PDLIM5: variants seen among roughly 807,000 people sequenced by gnomAD.
PDLIM5 encodes PDZ and LIM domain 5, also known as PDZ and LIM domain protein 5.
Under a neutral mutation model 64.2 loss-of-function variants are expected in PDLIM5, and 34 were observed. The observed-to-expected ratio is 0.53, with a 90% CI of 0.40 to 0.71. PDLIM5 has a LOEUF of 0.71. PDLIM5 is among the 30% of genes least tolerant of loss of function. The pLI, the probability that PDLIM5 is intolerant of heterozygous loss-of-function variation, is 0.00. For missense variants in PDLIM5, 683 were observed against 733.6 expected, an observed-to-expected ratio of 0.93 and a Z score of 0.80; for synonymous variants, 253 against 269.1, an observed-to-expected ratio of 0.94 and a Z score of 0.59.
intron 1 of PDLIM5, among the ~76,000 whole-genome samples, chr4:94,454,988 G>T (rs73833911): frequency 0.021 from 3,200 of 152,268 alleles, 103 homozygotes; most frequent in African/African-American, 0.068. Context: ...CACAAAATTG[G>T]ATTGAAGCAA....
intron 5 of PDLIM5, chr4:94,585,077 A>G (rs1736054467): frequency 2.5e-6 from 2 of 786,234 alleles, no homozygotes; most frequent in African/African-American, 1.8e-5. Context: ...TTTACTTATA[A>G]TTTAAAAGGT....
chr4:94,614,946 A>C (rs749608662), intron 7 of PDLIM5, among the ~76,000 whole-genome samples: 1 of 152,192 alleles, frequency 6.6e-6, no homozygotes, highest in African/African-American at 2.4e-5. Flanking sequence ...AGTGCAGATG[A>C]AGGATGCTTA....
intron 3 of PDLIM5, among the ~76,000 whole-genome samples, chr4:94,554,249 C>T (rs1041292675): frequency 6.6e-6 from 1 of 152,114 alleles, no homozygotes; most frequent in Non-Finnish European, 1.5e-5. Flanking sequence ...CTGTTGTTTT[C>T]CTTATTGTCT....
At chr4:94,517,761 T>G (rs954441338) in intron 2 of PDLIM5, among the ~76,000 whole-genome samples, 1 of 152,246 alleles carries the variant, frequency 6.6e-6, no homozygotes, top group East Asian at 1.9e-4. Flanking sequence ...GTTGAAAATA[T>G]GCAGAAGATT....
At chr4:94,530,048 C>CTAGT (rs1730723179) in intron 3 of PDLIM5, among the ~76,000 whole-genome samples, 1 of 152,142 alleles carries the variant, frequency 6.6e-6, no homozygotes, top group Non-Finnish European at 1.5e-5. Context: ...AGGTGTTTAA[C>CTAGT]TGTTCCATTT....
intron 2 of PDLIM5, among the ~76,000 whole-genome samples, chr4:94,499,550 T>C (rs2110079521): frequency 6.6e-6 from 1 of 152,296 alleles, no homozygotes; most frequent in East Asian, 1.9e-4. Flanking sequence ...GCATTTACAT[T>C]GTGTTAAGCA....
intron 12 of PDLIM5, among the ~76,000 whole-genome samples, 179 bp from the exon 13 acceptor site, chr4:94,663,799 A>G (rs1742923197): frequency 6.6e-6 from 1 of 152,194 alleles, no homozygotes; most frequent in Non-Finnish European, 1.5e-5. Context: ...TGCTTTTGAA[A>G]GATTATATCT....
chr4:94,605,885 G>A (rs993070062), intron 7 of PDLIM5, among the ~76,000 whole-genome samples: 1 of 149,960 alleles, frequency 6.7e-6, no homozygotes, highest in Non-Finnish European at 1.5e-5. Flanking sequence ...AATCTGTCCT[G>A]TGGTAATATG....
At position 94,632,687 on chromosome 4, in the gene PDLIM5, TG is replaced by T. The variant is rs569163300; in HGVS notation, c.1109-7587del. On this transcript the variant is annotated intron_variant, in intron 8 of 12. Coordinates refer to ENST00000317968, the MANE Select transcript of PDLIM5 (RefSeq NM_006457.5). ...GACCTTAAAAATGGGGAGATTATCC[TG>T]GTTTGACCCAATGTAATCACAAGGG... Among the ~76,000 whole-genome samples, 793 of 152,300 alleles carry T rather than the reference TG, an allele frequency of 5.2e-3. 7 individuals are homozygous for T. Among genetic ancestry groups the T allele is most frequent in the African/African-American group, 0.018 (757 of 41,568 alleles).
intron 2 of PDLIM5, among the ~76,000 whole-genome samples, chr4:94,497,361 G>A (rs538876173): frequency 3.9e-4 from 60 of 152,216 alleles, no homozygotes; most frequent in African/African-American, 1.3e-3. Context: ...CATCCTAATA[G>A]TAATGACTAC....
intron 4 of PDLIM5, chr4:94,573,784 G>A: frequency 5.3e-6 from 1 of 189,344 alleles, no homozygotes; most frequent in South Asian, 1.1e-4. Flanking sequence ...ACATTTCAGA[G>A]TATTCTTAGG....
chr4:94,601,812 C>T (rs1338884133), intron 7 of PDLIM5, among the ~76,000 whole-genome samples: 4 of 152,156 alleles, frequency 2.6e-5, no homozygotes, highest in African/African-American at 9.7e-5. Flanking sequence ...AAATGGATAG[C>T]TTATGATTGA....
intron 12 of PDLIM5, 111 bp from the exon 13 acceptor site, chr4:94,663,866 TG>T: frequency 9.8e-7 from 1 of 1,018,086 alleles, no homozygotes; most frequent in Non-Finnish European, 1.4e-6. Flanking sequence ...TAAAGTGTTT[TG>T]TCATATTATC....
chr4:94,652,775 A>T (rs1741938340), intron 9 of PDLIM5, among the ~76,000 whole-genome samples: 1 of 152,158 alleles, frequency 6.6e-6, no homozygotes, highest in Non-Finnish European at 1.5e-5. Context: ...AGAGAATGAT[A>T]TGTACTAGCT....
Position 94,612,207 on chromosome 4 carries a change from G to A in PDLIM5, c.921-5797G>A, listed in dbSNP as rs147775883. 5.0e-3 allele frequency among the ~76,000 whole-genome samples: 767 copies of A among 152,242 alleles called. 6 individuals carry two copies. Among genetic ancestry groups the A allele is most frequent in the African/African-American group, 0.017 (725 of 41,532 alleles). On this transcript the variant is annotated intron_variant, in intron 7 of 12. Coordinates refer to ENST00000317968, the MANE Select transcript of PDLIM5 (RefSeq NM_006457.5). ...CACTCCAGCCTGGGCGACAGGGCAA[G>A]ACTCTGTCTCAAAAAACAAAAACAA...
chr4:94,658,126 TCTA>T (rs1742364144), intron 11 of PDLIM5, among the ~76,000 whole-genome samples: 1 of 152,230 alleles, frequency 6.6e-6, no homozygotes, highest in African/African-American at 2.4e-5. Flanking sequence ...GGATATAAAT[TCTA>T]CTAAATCATG....
intron 8 of PDLIM5, among the ~76,000 whole-genome samples, chr4:94,624,317 T>TA (rs542749801): frequency 1.3e-3 from 189 of 150,618 alleles, no homozygotes; most frequent in African/African-American, 4.3e-3. Flanking sequence ...GACCCCCATC[T>TA]AAAAAAAATG....
rs372850854 is a variant in PDLIM5, at chr4:94,482,279, T to C, written c.96+26895T>C. Among the ~76,000 whole-genome samples the C allele has an allele frequency of 1.1e-4, 16 of 151,996 alleles. No homozygotes were observed. The East Asian group carries it at 2.7e-3, about 26-fold the overall frequency. The stretch of plus-strand genomic sequence containing the variant: ...TGAACTCCTGGGGCTCAAGTGATCC[T>C]TCTGCCTCAGTGCCCAAAATGTTGG... On this transcript the variant is annotated intron_variant, in intron 2 of 12. Transcript: ENST00000317968.
chr4:94,515,895 T>G (rs2110115622), intron 2 of PDLIM5, among the ~76,000 whole-genome samples: 1 of 152,380 alleles, frequency 6.6e-6, no homozygotes, highest in African/African-American at 2.4e-5. Context: ...ACAAATTTGT[T>G]TGATTTTCAG....
Sources: allele counts gnomAD v4.1 joint callset (sites outside exome capture counted in the v4.1 genomes callset), GRCh38; gene constraint gnomAD v4.1.1; transcripts MANE v1.5; gene names NCBI Gene and HGNC (gene_info 2026-07-23, HGNC 2026-07-21).